PPTC7: variants seen among roughly 807,000 people sequenced by gnomAD.
The protein encoded by PPTC7 is protein phosphatase PTC7 homolog.
Under a neutral mutation model 30.8 loss-of-function variants are expected in PPTC7, and 6 were observed. The ratio of observed to expected loss-of-function variants is 0.19; its 90% confidence interval spans 0.11 to 0.38. PPTC7 has a LOEUF of 0.38. PPTC7 is among the 10% of genes least tolerant of loss of function. The pLI, the probability that PPTC7 is intolerant of heterozygous loss-of-function variation, is 1.00. For synonymous variants in PPTC7, 163 were observed against 168.1 expected (o/e 0.97, Z 0.23); for missense variants, 218 against 404.8 (o/e 0.54, Z 3.96).
At chr12:110,545,702 G>GATT (rs2064300646) in intron 3 of PPTC7, among the ~76,000 whole-genome samples, 178 bp downstream of exon 3, 1 of 152,184 alleles carries the variant, frequency 6.6e-6, no homozygotes, top group African/African-American at 2.4e-5. Flanking sequence ...CACTTAGCTA[G>GATT]ATTATCTAGT....
At chr12:110,547,023 C>T (rs1164017453) in intron 2 of PPTC7, among the ~76,000 whole-genome samples, 1 of 152,148 alleles carries the variant, frequency 6.6e-6, no homozygotes, top group Non-Finnish European at 1.5e-5. Flanking sequence ...TAAAAGTAAA[C>T]AACTTTCCTG....
intron 2 of PPTC7, among the ~76,000 whole-genome samples, chr12:110,547,713 C>T (rs1469013920): frequency 6.6e-6 from 1 of 152,006 alleles, no homozygotes; most frequent in African/African-American, 2.4e-5. Context: ...ACAAATGGGC[C>T]ACGGAACCAG....
chr12:110,535,993 A>G lies in PPTC7; in HGVS notation c.*1044T>C, dbSNP rs1213420375. 2 of 152,598 alleles carry G rather than the reference A, an allele frequency of 1.3e-5. No individual in the cohort carries two copies. Among genetic ancestry groups the G allele is most frequent in the Non-Finnish European group, 2.9e-5 (2 of 68,040 alleles). 9.5% of individuals were successfully genotyped at this position (152,598 alleles called of 1,614,324 possible). A position where few individuals can be genotyped will look rare whatever the true frequency, so the allele number is the denominator to read the frequency against. On this transcript the variant is annotated 3_prime_UTR_variant, in exon 6 of 6. Coordinates refer to ENST00000354300, the MANE Select transcript of PPTC7 (RefSeq NM_139283.2). ...TCTGTGCTGCTGCCGCTGCGCACAC[A>G]GTGCTCTCTCCACATGGACTCACTG...
chr12:110,572,418 G>A (rs1311115694), intron 1 of PPTC7, among the ~76,000 whole-genome samples: 1 of 152,158 alleles, frequency 6.6e-6, no homozygotes, highest in South Asian at 2.1e-4. Flanking sequence ...TCCTGCCTGG[G>A]TGACAGAGTG....
chr12:110,542,653 A>AG lies in PPTC7; in HGVS notation c.603-2709dup, dbSNP rs1361253179. Among the ~76,000 whole-genome samples, 4 of 144,050 alleles carry AG rather than the reference A, an allele frequency of 2.8e-5. No individual in the cohort carries two copies. In the East Asian group the frequency reaches 8.4e-4, roughly 30 times the overall value. The allele number at this position is 144,050 out of a possible 152,430, so 94.5% of individuals were successfully genotyped here. On this transcript the variant is annotated intron_variant, in intron 3 of 5. Transcript: ENST00000354300. ...GCCACTGCACTCCAGCAGCCTGGGCAGCAGAGCGAGACTCTGTCTCAAAAA... is the reference window on the plus strand; with the variant it reads ...GCCACTGCACTCCAGCAGCCTGGGCAGGCAGAGCGAGACTCTGTCTCAAAAA...
intron 1 of PPTC7, among the ~76,000 whole-genome samples, chr12:110,556,764 GAGA>G (rs1340138454): frequency 6.6e-6 from 1 of 152,180 alleles, no homozygotes; most frequent in Non-Finnish European, 1.5e-5. Context: ...GCCGGTCTCT[GAGA>G]AGCTCCCCTG....
At chr12:110,563,764 A>G (rs965398667) in intron 1 of PPTC7, among the ~76,000 whole-genome samples, 1 of 152,262 alleles carries the variant, frequency 6.6e-6, no homozygotes, top group African/African-American at 2.4e-5. Flanking sequence ...GAGACAACTT[A>G]AGAATTAATC....
chr12:110,568,856 CAA>C (rs1210988048), intron 1 of PPTC7, among the ~76,000 whole-genome samples: 3 of 152,172 alleles, frequency 2.0e-5, no homozygotes, highest in African/African-American at 7.2e-5. Flanking sequence ...ACAGGCCATT[CAA>C]AGAGAAGGCT....
intron 3 of PPTC7, among the ~76,000 whole-genome samples, chr12:110,545,161 C>T (rs1199506801): frequency 1.3e-5 from 2 of 152,044 alleles, no homozygotes; most frequent in South Asian, 2.1e-4. Flanking sequence ...GGCGCAATCT[C>T]GGCTCACTGC....
At chr12:110,579,879 G>A (rs2064622345) in intron 1 of PPTC7, among the ~76,000 whole-genome samples, 1 of 152,010 alleles carries the variant, frequency 6.6e-6, no homozygotes, top group South Asian at 2.1e-4. Context: ...CGGGCGTGAT[G>A]GCGCGCGCCT....
intron 1 of PPTC7, among the ~76,000 whole-genome samples, chr12:110,561,113 A>G (rs1215213787): frequency 6.6e-6 from 1 of 152,234 alleles, no homozygotes; most frequent in Admixed American, 6.5e-5. Context: ...AAGGGGGCTA[A>G]GCAATATTTA....
chr12:110,580,544 T>C (rs577335431), intron 1 of PPTC7, among the ~76,000 whole-genome samples: 1 of 152,244 alleles, frequency 6.6e-6, no homozygotes, highest in East Asian at 1.9e-4. Flanking sequence ...TTTGCCATGT[T>C]GGCCAGGCTG....
chr12:110,536,896 G>C lies in PPTC7; in HGVS notation c.*141C>G. On this transcript the variant is annotated 3_prime_UTR_variant, in exon 6 of 6. Coordinates refer to ENST00000354300, the MANE Select transcript of PPTC7 (RefSeq NM_139283.2). Reference sequence around the variant, plus strand: ...TGGTTCTCAACAAAGATCTCAACGAGTCTCAAGAAGACAGGCAAAAGACTT... The same window carrying C: ...TGGTTCTCAACAAAGATCTCAACGACTCTCAAGAAGACAGGCAAAAGACTT... The C allele has an allele frequency of 1.5e-6, 1 of 667,088 alleles. No individual in the cohort carries two copies. Among genetic ancestry groups the C allele is most frequent in the Non-Finnish European group, 2.7e-6 (1 of 369,720 alleles). The allele number at this position is 667,088 out of a possible 1,614,324, so 41.3% of individuals were successfully genotyped here.
rs75762388 is a variant in PPTC7 at position 110,558,404 on chromosome 12, A to G, written c.224-6436T>C. ...AGAAGGGCCTTGAATGCCAAGATAA[A>G]GAGGTTGCACCGAATATAGAAGCTA... On this transcript the variant is annotated intron_variant, in intron 1 of 5. Transcript: ENST00000354300. 5.1e-3 allele frequency among the ~76,000 whole-genome samples: 777 copies of G among 152,354 alleles called. 10 individuals are homozygous for G. Among genetic ancestry groups the G allele is most frequent in the African/African-American group, 0.018 (756 of 41,584 alleles).
intron 1 of PPTC7, among the ~76,000 whole-genome samples, chr12:110,568,298 G>A (rs1026717329): frequency 6.6e-6 from 1 of 150,458 alleles, no homozygotes; most frequent in South Asian, 2.1e-4. Context: ...TGTCACCCAG[G>A]CTGGAGTGCA....
chr12:110,573,240 CTCT>C (rs2064554982), intron 1 of PPTC7, among the ~76,000 whole-genome samples: 1 of 152,154 alleles, frequency 6.6e-6, no homozygotes, highest in Non-Finnish European at 1.5e-5. Flanking sequence ...CCAGGAATTC[CTCT>C]TCAAGGAATT....
intron 1 of PPTC7, among the ~76,000 whole-genome samples, chr12:110,579,942 G>A (rs1027010614): frequency 1.3e-5 from 2 of 152,054 alleles, no homozygotes; most frequent in Non-Finnish European, 2.9e-5. Flanking sequence ...AAACCCGGGA[G>A]GCGGAGGTTG....
intron 1 of PPTC7, among the ~76,000 whole-genome samples, chr12:110,556,473 A>T (rs532966709): frequency 6.6e-6 from 1 of 152,244 alleles, no homozygotes; most frequent in Non-Finnish European, 1.5e-5. Context: ...ACAGAAATTA[A>T]TATGTCCTCT....
chr12:110,574,070 G>A (rs2064564621), intron 1 of PPTC7, among the ~76,000 whole-genome samples: 2 of 149,146 alleles, frequency 1.3e-5, no homozygotes, highest in African/African-American at 5.0e-5. Context: ...AGCTGAGGTG[G>A]GAGGATTGCT....
Sources: gnomAD v4.1 joint callset for allele counts (sites outside exome capture counted in the v4.1 genomes callset) on GRCh38, gnomAD v4.1.1 for gene constraint, MANE v1.5 for transcripts, NCBI Gene and HGNC (gene_info 2026-07-23, HGNC 2026-07-21) for gene names.